Variants in GNAI3 observed in about 807,000 individuals in gnomAD.
GNAI3 encodes guanine nucleotide-binding protein G(i) subunit alpha-3.
A neutral mutation model predicts 41.8 loss-of-function variants in GNAI3; 12 were observed. That is an observed-to-expected ratio of 0.29 (90% CI 0.18 to 0.47). GNAI3 has a LOEUF of 0.47. GNAI3 is among the 20% of genes least tolerant of loss of function. The pLI is 1.00. For missense variants in GNAI3, 360 were observed against 429.6 expected (o/e 0.84, Z 1.43); for synonymous variants, 132 against 146.5 (o/e 0.90, Z 0.71).
At chr1:109,580,462 G>A (rs1363276037) in intron 4 of GNAI3, among the ~76,000 whole-genome samples, 1 of 152,112 alleles carries the variant, frequency 6.6e-6, no homozygotes, top group Non-Finnish European at 1.5e-5. Context: ...ATTGTTACAA[G>A]AAGAAATTAA....
intron 1 of GNAI3, among the ~76,000 whole-genome samples, chr1:109,552,457 G>A (rs1648003749): frequency 6.6e-6 from 1 of 151,920 alleles, no homozygotes; most frequent in South Asian, 2.1e-4. Flanking sequence ...TAAACAATTA[G>A]AGATGGGGGT....
chr1:109,580,344 C>T (rs1270859316), intron 4 of GNAI3, among the ~76,000 whole-genome samples: 1 of 152,078 alleles, frequency 6.6e-6, no homozygotes, highest in Non-Finnish European at 1.5e-5. Context: ...CTGGTGAGCA[C>T]TTGTTATCTG....
chr1:109,551,562 T>C lies in GNAI3; in HGVS notation c.118+2724T>C, dbSNP rs1571144882. 2.0e-5 allele frequency among the ~76,000 whole-genome samples: 3 copies of C among 152,340 alleles called. No individual in the cohort carries two copies. The Middle Eastern group carries it at 0.01, about 518-fold the overall frequency. On this transcript the variant is annotated intron_variant, in intron 1 of 8. Coordinates refer to ENST00000369851, the MANE Select transcript of GNAI3 (RefSeq NM_006496.4). ...AATCCTAATTCCCATTTACTAGTTA[T>C]AGCCTTGGGAAAGTTAATTTCTCTT...
intron 1 of GNAI3, among the ~76,000 whole-genome samples, chr1:109,572,549 C>G (rs1240562384): frequency 2.6e-5 from 4 of 152,180 alleles, no homozygotes; most frequent in Non-Finnish European, 5.9e-5. Context: ...GGATGAAAGC[C>G]TGATTAGCAT....
chr1:109,578,355 A>AGCTACTT (rs1648803396), intron 3 of GNAI3, among the ~76,000 whole-genome samples: 1 of 151,810 alleles, frequency 6.6e-6, no homozygotes, highest in Non-Finnish European at 1.5e-5. Flanking sequence ...CTGTAATCCC[A>AGCTACTT]GCTACTTGGG....
chr1:109,585,081 C>T (rs1438084645), intron 5 of GNAI3, among the ~76,000 whole-genome samples: 1 of 152,182 alleles, frequency 6.6e-6, no homozygotes, highest in African/African-American at 2.4e-5. Flanking sequence ...CTTTCAATTT[C>T]TGGGGGAAAA....
In GNAI3 at chr1:109,571,779, G is replaced by A. The variant is rs376560371; in HGVS notation, c.119-1958G>A. ...CTAAAAATACAAAAATTAGCCAGGT[G>A]TGGTGGCGTGTGCCTGTAGTCCCAG... On this transcript the variant is annotated intron_variant, in intron 1 of 8. Coordinates refer to ENST00000369851, the MANE Select transcript of GNAI3 (RefSeq NM_006496.4). Among the ~76,000 whole-genome samples the A allele has an allele frequency of 3.9e-5, 6 of 152,126 alleles. No homozygotes were observed. In the East Asian group the frequency reaches 5.8e-4, roughly 15 times the overall value.
chr1:109,571,410 G>C (rs531946609), intron 1 of GNAI3, among the ~76,000 whole-genome samples: 1 of 152,292 alleles, frequency 6.6e-6, no homozygotes, highest in Admixed American at 6.5e-5. Context: ...GCAAATTTCA[G>C]TTCTGCCACT....
chr1:109,592,154 C>G lies in GNAI3; in HGVS notation c.986C>G (p.Thr329Arg). ...ACTCACTTCACCTGTGCCACAGACA[C>G]GAAGAATGTGCAGTTTGTTTTTGAT... ...IYTHFTCATD[T>R]KNVQFVFDAV... Residue 329 changes from threonine (T) to arginine (R), a missense_variant, in exon 8 of 9, where the codon ACG (threonine) becomes AGG (arginine). Coordinates refer to ENST00000369851, the MANE Select transcript of GNAI3 (RefSeq NM_006496.4). 6.2e-7 allele frequency: 1 copy of G among 1,612,534 alleles called. No individual in the cohort carries two copies. Among genetic ancestry groups the G allele is most frequent in the Non-Finnish European group, 8.5e-7 (1 of 1,178,620 alleles).
At position 109,586,744 on chromosome 1, in the gene GNAI3, A is replaced by G; in HGVS notation, c.736A>G (p.Ser246Gly). ...TCTTTTTCAGAACCGAATGCATGAA[A>G]GCATGAAACTGTTTGACAGCATTTG... ...EDEEMNRMHESMKLFDSICNN... is the reference protein window; with the variant it reads ...EDEEMNRMHEGMKLFDSICNN... Residue 246 changes from serine (S) to glycine (G), a missense_variant, in exon 7 of 9, where the codon AGC (serine) becomes GGC (glycine). Transcript: ENST00000369851. 1.2e-6 allele frequency: 2 copies of G among 1,601,550 alleles called. No individual in the cohort carries two copies. Among genetic ancestry groups the G allele is most frequent in the Non-Finnish European group, 1.7e-6 (2 of 1,172,692 alleles).
At chr1:109,579,736 A>G (rs965548917) in intron 4 of GNAI3, among the ~76,000 whole-genome samples, 1 of 152,204 alleles carries the variant, frequency 6.6e-6, no homozygotes, top group Non-Finnish European at 1.5e-5. Flanking sequence ...GAATAGTGGT[A>G]TTCCTTTTTA....
intron 3 of GNAI3, 107 bp from the exon 4 acceptor site, chr1:109,579,097 A>G (rs1648825960): frequency 6.9e-6 from 6 of 871,586 alleles, no homozygotes; most frequent in Middle Eastern, 2.6e-4. Context: ...CTCTGTAACA[A>G]CACCTCTTTT....
At chr1:109,578,470 CAAAAAAAAAAAAAAA>C (rs35519193) in intron 3 of GNAI3, among the ~76,000 whole-genome samples, 1 of 84,312 alleles carries the variant, frequency 1.2e-5, no homozygotes, top group Non-Finnish European at 2.3e-5. Context: ...AACTCCGTCT[CAAAAAAAAAAAAAAA>C]AAAAAAGAAA....
rs1484125010 is a variant in GNAI3 at position 109,588,656 on chromosome 1, A to G, written c.874+1774A>G. On this transcript the variant is annotated intron_variant, in intron 7 of 8. Coordinates refer to ENST00000369851, the MANE Select transcript of GNAI3 (RefSeq NM_006496.4). The stretch of plus-strand genomic sequence containing the variant: ...ATGCCTGTAATCCCAGCACTTTGGG[A>G]GGCCGTGGCAGGTGGATCATGAGGT... Among the ~76,000 whole-genome samples the G allele has an allele frequency of 2.0e-5, 3 of 152,126 alleles. No homozygotes were observed. The East Asian group carries it at 5.8e-4, about 29-fold the overall frequency.
intron 6 of GNAI3, 51 bp downstream of exon 6, chr1:109,586,396 AAAATAAC>A: frequency 6.6e-7 from 1 of 1,526,584 alleles, no homozygotes. Flanking sequence ...CAGGAAATGG[AAAATAAC>A]TTATTAGGAA....
intron 7 of GNAI3, among the ~76,000 whole-genome samples, chr1:109,589,526 A>G (rs979503356): frequency 1.3e-5 from 2 of 152,212 alleles, no homozygotes; most frequent in African/African-American, 4.8e-5. Context: ...CCTATAAGCA[A>G]AAGAGATACA....
chr1:109,578,303 C>T (rs893264917), intron 3 of GNAI3, among the ~76,000 whole-genome samples: 1 of 151,846 alleles, frequency 6.6e-6, no homozygotes, highest in Non-Finnish European at 1.5e-5. Context: ...AAACCCCTCT[C>T]TACTAAAAAT....
At chr1:109,553,024 C>A (rs1648031400) in intron 1 of GNAI3, among the ~76,000 whole-genome samples, 1 of 152,156 alleles carries the variant, frequency 6.6e-6, no homozygotes, top group South Asian at 2.1e-4. Context: ...ATGTAAAATG[C>A]TTCACATTAG....
At chr1:109,588,854 C>T (rs1032358904) in intron 7 of GNAI3, among the ~76,000 whole-genome samples, 1 of 152,152 alleles carries the variant, frequency 6.6e-6, no homozygotes, top group African/African-American at 2.4e-5. Context: ...GATCGCACCA[C>T]TGCACTCCAG....
Sources: allele counts gnomAD v4.1 joint callset (sites outside exome capture counted in the v4.1 genomes callset), GRCh38; gene constraint gnomAD v4.1.1; transcripts MANE v1.5; gene names NCBI Gene and HGNC (gene_info 2026-07-23, HGNC 2026-07-21).